FGF7: variants seen among roughly 807,000 people sequenced by gnomAD.
The protein encoded by FGF7 is FGF-7.
A neutral mutation model predicts 20.5 loss-of-function variants in FGF7; 6 were observed. The ratio of observed to expected loss-of-function variants is 0.29; its 90% CI spans 0.16 to 0.58. The LOEUF is 0.58. FGF7 is among the 20% of genes least tolerant of loss of function. The pLI is 0.90. For missense variants in FGF7, 144 were observed against 228.8 expected, an observed-to-expected ratio of 0.63 and a Z score of 2.39; for synonymous variants, 64 against 74.7, an observed-to-expected ratio of 0.86 and a Z score of 0.74.
At position 49,479,597 on chromosome 15, in the gene FGF7, C is replaced by CTTTTTT. The variant is rs1567359064; in HGVS notation, c.287-3553_287-3552insTTTTTT. Among the ~76,000 whole-genome samples, 9 of 102,084 alleles carry CTTTTTT rather than the reference C, an allele frequency of 8.8e-5. 1 individual carries two copies. The highest frequency in any genetic ancestry group is 2.3e-4 in the Admixed American group (2 of 8,874). The allele number at this position is 102,084 out of a possible 152,430, so 67.0% of individuals were successfully genotyped here. A position where few individuals can be genotyped will look rare whatever the true frequency, so the allele number is the denominator to read the frequency against. ...GGGTAGGATTTCATAGTTAATACCT[C>CTTTTTT]TGTTTTTTTTTTTTTTTTTTTTTTT... On this transcript the variant is annotated intron_variant, in intron 2 of 3. Coordinates refer to ENST00000267843, the MANE Select transcript of FGF7 (RefSeq NM_002009.4).
At chr15:49,481,515 C>T (rs533718675) in intron 2 of FGF7, among the ~76,000 whole-genome samples, 6 of 152,268 alleles carry the variant, frequency 3.9e-5, no homozygotes, top group Admixed American at 3.9e-4. Flanking sequence ...ATGTGTTGAA[C>T]GTTACATGAA....
chr15:49,430,262 G>T (rs1332755662), intron 2 of FGF7, among the ~76,000 whole-genome samples: 1 of 151,894 alleles, frequency 6.6e-6, no homozygotes. Context: ...ATGACAGGCA[G>T]GTCTGCATCT....
At chr15:49,469,893 T>C (rs1271856186) in intron 2 of FGF7, among the ~76,000 whole-genome samples, 2 of 152,096 alleles carry the variant, frequency 1.3e-5, no homozygotes, top group African/African-American at 4.8e-5. Flanking sequence ...GAAATGGTGA[T>C]AAAGAGAATG....
rs911558916 is a variant in FGF7, at chr15:49,424,210, A to T, written c.-88A>T. ...TTAAATCAATCTACAATTCACAGAT[A>T]GGAAGAGGTCAATGACCTAGGAGTA... On this transcript the variant is annotated 5_prime_UTR_variant, in exon 2 of 4. Coordinates refer to ENST00000267843, the MANE Select transcript of FGF7 (RefSeq NM_002009.4). The T allele has an allele frequency of 8.6e-7, 1 of 1,163,048 alleles. No homozygotes were observed. The highest frequency in any genetic ancestry group is 1.2e-6 in the Non-Finnish European group (1 of 802,570). 72.0% of individuals were successfully genotyped at this position (1,163,048 alleles called of 1,614,324 possible).
At chr15:49,441,013 C>A (rs2051586307) in intron 2 of FGF7, among the ~76,000 whole-genome samples, 1 of 151,748 alleles carries the variant, frequency 6.6e-6, no homozygotes, top group Admixed American at 6.6e-5. Context: ...TTTTATCTTT[C>A]AAAGTGTAAA....
intron 2 of FGF7, among the ~76,000 whole-genome samples, chr15:49,474,988 C>A (rs1299907191): frequency 7.8e-6 from 1 of 128,968 alleles, no homozygotes; most frequent in Non-Finnish European, 1.6e-5. Flanking sequence ...ATTTAAAATT[C>A]AAACTATAAA....
chr15:49,472,463 G>A (rs535464559), intron 2 of FGF7, among the ~76,000 whole-genome samples: 6 of 152,112 alleles, frequency 3.9e-5, no homozygotes, highest in African/African-American at 1.4e-4. Flanking sequence ...CAGTTAAATC[G>A]CATCAGCTAA....
Position 49,461,571 on chromosome 15 carries a change from C to T in FGF7, c.287-21580C>T, listed in dbSNP as rs548777226. Among the ~76,000 whole-genome samples, 9 of 152,318 alleles carry T rather than the reference C, an allele frequency of 5.9e-5. No individual in the cohort carries two copies. The South Asian group carries it at 1.9e-3, about 32-fold the overall frequency. On this transcript the variant is annotated intron_variant, in intron 2 of 3. Transcript: ENST00000267843. ...ATCTCTTTGAAAGAGCCACGTACTT[C>T]TGTTTAATTTAGGCATATGAAGTTA...
intron 2 of FGF7, among the ~76,000 whole-genome samples, chr15:49,427,411 T>C (rs1013791519): frequency 3.3e-5 from 5 of 152,048 alleles, no homozygotes; most frequent in African/African-American, 9.7e-5. Flanking sequence ...AGCAGGATTC[T>C]GATTAAAGAT....
intron 2 of FGF7, among the ~76,000 whole-genome samples, chr15:49,451,726 C>G (rs890846284): frequency 6.6e-6 from 1 of 151,994 alleles, no homozygotes; most frequent in Non-Finnish European, 1.5e-5. Context: ...AAATTTGAAG[C>G]CTTTATTGGG....
chr15:49,441,571 T>C (rs547025108), intron 2 of FGF7, among the ~76,000 whole-genome samples: 6 of 151,660 alleles, frequency 4.0e-5, no homozygotes, highest in African/African-American at 4.8e-5. Context: ...AGGATTTCCA[T>C]ATATAGAGAG....
At chr15:49,435,089 T>C (rs1264232881) in intron 2 of FGF7, among the ~76,000 whole-genome samples, 1 of 151,598 alleles carries the variant, frequency 6.6e-6, no homozygotes, top group Non-Finnish European at 1.5e-5. Flanking sequence ...ACATTAAAAT[T>C]GTTGTGTATG....
chr15:49,437,322 T>G (rs1237857044), intron 2 of FGF7, among the ~76,000 whole-genome samples: 2 of 151,294 alleles, frequency 1.3e-5, no homozygotes, highest in African/African-American at 4.9e-5. Flanking sequence ...CAGCAGAGAG[T>G]TTGTTTTAAC....
chr15:49,482,800 A>G (rs1190899737), intron 2 of FGF7, among the ~76,000 whole-genome samples: 1 of 152,074 alleles, frequency 6.6e-6, no homozygotes, highest in Non-Finnish European at 1.5e-5. Flanking sequence ...GAGCAATGCA[A>G]TAATCCTTGG....
chr15:49,474,339 G>A (rs2055051441), intron 2 of FGF7, among the ~76,000 whole-genome samples: 1 of 152,136 alleles, frequency 6.6e-6, no homozygotes, highest in Admixed American at 6.5e-5. Flanking sequence ...CTCTTTCAAG[G>A]GCTGTTATGT....
chr15:49,426,305 A>G (rs1157316601), intron 2 of FGF7, among the ~76,000 whole-genome samples: 2 of 152,010 alleles, frequency 1.3e-5, no homozygotes, highest in Non-Finnish European at 2.9e-5. Flanking sequence ...TACCCATTGT[A>G]TAATTATCTC....
intron 2 of FGF7, among the ~76,000 whole-genome samples, chr15:49,462,131 G>A (rs2053854644): frequency 6.6e-6 from 1 of 151,978 alleles, no homozygotes; most frequent in African/African-American, 2.4e-5. Flanking sequence ...AAAAAAAATT[G>A]TATTTAAAGG....
chr15:49,453,554 T>C (rs531343372), intron 2 of FGF7, among the ~76,000 whole-genome samples: 1 of 152,328 alleles, frequency 6.6e-6, no homozygotes, highest in East Asian at 1.9e-4. Context: ...ATGGCTCTTA[T>C]GCAGGACAGT....
intron 2 of FGF7, among the ~76,000 whole-genome samples, chr15:49,443,740 A>G (rs536257089): frequency 4.6e-5 from 7 of 151,914 alleles, no homozygotes; most frequent in African/African-American, 1.7e-4. Context: ...TATTATTGTC[A>G]GAACTATAGT....
Sources: gnomAD v4.1 joint callset for allele counts (sites outside exome capture counted in the v4.1 genomes callset) on GRCh38, gnomAD v4.1.1 for gene constraint, MANE v1.5 for transcripts, NCBI Gene and HGNC (gene_info 2026-07-23, HGNC 2026-07-21) for gene names.